Variants in TBC1D5 observed in about 807,000 individuals in gnomAD.
The protein encoded by TBC1D5 is TBC1 domain family member 5, also known as TBC1 domain family, member 5.
Under a neutral mutation model 100.3 loss-of-function variants are expected in TBC1D5, and 75 were observed. That is an observed-to-expected ratio of 0.75 (90% CI 0.62 to 0.91). TBC1D5 has a LOEUF of 0.91. Among genes scored for constraint, TBC1D5 ranks in the 40% least tolerant of loss-of-function variants. The probability of loss-of-function intolerance (pLI) is 0.00; values close to 1 mark genes in which losing one functional copy is unlikely to be tolerated. For synonymous variants in TBC1D5, 323 were observed against 325.6 expected (o/e 0.99, Z 0.09); for missense variants, 910 against 942.4 (o/e 0.97, Z 0.45).
chr3:17,493,744 A>G (rs1440585014), intron 3 of TBC1D5, among the ~76,000 whole-genome samples: 1 of 152,104 alleles, frequency 6.6e-6, no homozygotes, highest in African/African-American at 2.4e-5. Context: ...TATGCTTCCC[A>G]AAGTTCTCGC....
At chr3:17,204,413 G>A (rs1013639271) in intron 18 of TBC1D5, among the ~76,000 whole-genome samples, 28 of 152,164 alleles carry the variant, frequency 1.8e-4, no homozygotes, top group Non-Finnish European at 2.6e-4. Context: ...AGAAGCAAAC[G>A]CTATCAATGA....
chr3:17,260,690 T>A (rs940971219), intron 15 of TBC1D5, among the ~76,000 whole-genome samples: 2 of 152,186 alleles, frequency 1.3e-5, no homozygotes, highest in African/African-American at 2.4e-5. Flanking sequence ...TATACAGACA[T>A]ATAGATGGAT....
chr3:17,637,206 T>A (rs1192840462), intron 1 of TBC1D5, among the ~76,000 whole-genome samples: 1 of 141,516 alleles, frequency 7.1e-6, no homozygotes, highest in Non-Finnish European at 1.5e-5. Flanking sequence ...TTTTTTTTTT[T>A]TTTTTTTTTT....
intron 8 of TBC1D5, among the ~76,000 whole-genome samples, 199 bp from the exon 9 acceptor site, chr3:17,384,214 T>A (rs1049460113): frequency 2.0e-5 from 3 of 152,032 alleles, no homozygotes; most frequent in Non-Finnish European, 4.4e-5. Flanking sequence ...GTAAATTACA[T>A]CCTTCAACAT....
chr3:17,620,915 G>A (rs1373279741), intron 2 of TBC1D5, among the ~76,000 whole-genome samples: 1 of 152,082 alleles, frequency 6.6e-6, no homozygotes, highest in African/African-American at 2.4e-5. Flanking sequence ...ACAGTATTTG[G>A]TTACATACCC....
chr3:17,297,384 G>A (rs2082358768), intron 14 of TBC1D5, among the ~76,000 whole-genome samples: 1 of 152,072 alleles, frequency 6.6e-6, no homozygotes, highest in South Asian at 2.1e-4. Flanking sequence ...AGACCATCCT[G>A]GCTAACACGG....
At chr3:17,698,314 T>C (rs1180359152) in intron 1 of TBC1D5, among the ~76,000 whole-genome samples, 3 of 152,160 alleles carry the variant, frequency 2.0e-5, no homozygotes, top group Non-Finnish European at 2.9e-5. Flanking sequence ...ATTTAATCAA[T>C]GGTGCTGGGA....
At chr3:17,216,549 C>T (rs1449358132) in intron 17 of TBC1D5, among the ~76,000 whole-genome samples, 2 of 152,074 alleles carry the variant, frequency 1.3e-5, no homozygotes, top group Non-Finnish European at 2.9e-5. Context: ...CCTTGAAGGA[C>T]CCCTGAGGTT....
At position 17,710,267 on chromosome 3, in the gene TBC1D5, T is replaced by C. The variant is rs896330287; in HGVS notation, c.-101+29076A>G. On this transcript the variant is annotated intron_variant, in intron 1 of 21. Transcript: ENST00000253692. ...AAAGAAAGACACAGATTAATCTAAA[T>C]ATATTGATAAAAATAGGTCGGGTGT... Among the ~76,000 whole-genome samples the C allele has an allele frequency of 4.6e-5, 7 of 152,198 alleles. No homozygotes were observed. In the South Asian group the frequency reaches 1.4e-3, roughly 32 times the overall value.
At chr3:17,502,474 C>T (rs957240567) in intron 3 of TBC1D5, among the ~76,000 whole-genome samples, 4 of 149,286 alleles carry the variant, frequency 2.7e-5, no homozygotes, top group Admixed American at 6.6e-5. Flanking sequence ...TCTTCTGTTG[C>T]AAGGCCTTTA....
chr3:17,307,134 A>G (rs1385342739), intron 14 of TBC1D5, among the ~76,000 whole-genome samples: 1 of 152,230 alleles, frequency 6.6e-6, no homozygotes, highest in East Asian at 1.9e-4. Flanking sequence ...CTGGTATTCA[A>G]TGAACAAATA....
chr3:17,383,859 G>A, intron 9 of TBC1D5, 54 bp downstream of exon 9: 1 of 1,367,756 alleles, frequency 7.3e-7, no homozygotes, highest in Non-Finnish European at 1.0e-6. Context: ...CATTTGTCAA[G>A]CTGTATAGAA....
intron 19 of TBC1D5, among the ~76,000 whole-genome samples, chr3:17,174,905 C>A (rs561771346): frequency 6.6e-6 from 1 of 152,134 alleles, no homozygotes; most frequent in Non-Finnish European, 1.5e-5. Flanking sequence ...ACTGTTTTTA[C>A]ATGAGAGAGC....
intron 18 of TBC1D5, among the ~76,000 whole-genome samples, chr3:17,203,425 A>G (rs2125841339): frequency 6.6e-6 from 1 of 152,288 alleles, no homozygotes; most frequent in East Asian, 1.9e-4. Flanking sequence ...CTTTCGAGTT[A>G]ATGATGAAAT....
rs1289555165 is a variant in TBC1D5, at chr3:17,552,874, C to T, written c.-35-44269G>A. On this transcript the variant is annotated intron_variant, in intron 2 of 21. Transcript: ENST00000253692. ...ACAGAGGCCCAAAGGCAGAACTGAG[C>T]TTTGGAATAAATCCAGAATTCCAGG... Among the ~76,000 whole-genome samples the T allele has an allele frequency of 2.0e-5, 3 of 152,072 alleles. No homozygotes were observed. In the East Asian group the frequency reaches 5.8e-4, roughly 29 times the overall value.
intron 1 of TBC1D5, among the ~76,000 whole-genome samples, chr3:17,673,574 C>G (rs1303700593): frequency 6.6e-6 from 1 of 151,904 alleles, no homozygotes; most frequent in Non-Finnish European, 1.5e-5. Context: ...CTCAGCCTCC[C>G]AAAGTGCTTG....
intron 16 of TBC1D5, among the ~76,000 whole-genome samples, chr3:17,248,762 G>T (rs2076954434): frequency 6.6e-6 from 1 of 152,052 alleles, no homozygotes; most frequent in Non-Finnish European, 1.5e-5. Flanking sequence ...AAATTTTGAT[G>T]CCAGGCACTG....
At chr3:17,578,908 C>T (rs1054782387) in intron 2 of TBC1D5, among the ~76,000 whole-genome samples, 2 of 151,886 alleles carry the variant, frequency 1.3e-5, no homozygotes, top group African/African-American at 2.4e-5. Context: ...TAATCCAAAA[C>T]CCTGAAATAT....
chr3:17,499,230 G>A lies in TBC1D5; in HGVS notation c.97+9244C>T, dbSNP rs115017016. The stretch of plus-strand genomic sequence containing the variant: ...TGCTATGAAAGGAGTTAACAGAAGC[G>A]TTGGGGAGGTGGAGGATTATACTTG... On this transcript the variant is annotated intron_variant, in intron 3 of 21. Transcript: ENST00000253692. 3.6e-3 allele frequency among the ~76,000 whole-genome samples: 552 copies of A among 152,208 alleles called. 1 individual carries two copies. Among genetic ancestry groups the A allele is most frequent in the Non-Finnish European group, 6.7e-3 (459 of 68,006 alleles).
Sources: gnomAD v4.1 joint callset for allele counts (sites outside exome capture counted in the v4.1 genomes callset) on GRCh38, gnomAD v4.1.1 for gene constraint, MANE v1.5 for transcripts, NCBI Gene and HGNC (gene_info 2026-07-23, HGNC 2026-07-21) for gene names.